GLT8D2: variants seen among roughly 807,000 people sequenced by gnomAD.
GLT8D2 encodes the protein glycosyltransferase 8 domain-containing protein 2.
A neutral mutation model predicts 44.5 loss-of-function variants in GLT8D2; 45 were observed. The ratio of observed to expected loss-of-function variants is 1.01; its 90% CI spans 0.80 to 1.30. The LOEUF is 1.30. Ranked by LOEUF, GLT8D2 falls within the 50% of genes most tolerant of loss-of-function variation. The pLI is 0.00. For synonymous variants in GLT8D2, 156 were observed against 157.2 expected, an observed-to-expected ratio of 0.99 and a Z score of 0.06; for missense variants, 400 against 430.4, an observed-to-expected ratio of 0.93 and a Z score of 0.62.
rs372163304 is a variant in GLT8D2, at chr12:104,034,626, A to T, written c.-163-13135T>A. ...ATTGCTGAGGTTTGAGTGGGTAAAC[A>T]AAGTGGGTGGGGAAGCTTGAACTGG... On this transcript the variant is annotated intron_variant, in intron 1 of 10. Transcript: ENST00000360814. Among the ~76,000 whole-genome samples, 48 of 152,378 alleles carry T rather than the reference A, an allele frequency of 3.2e-4. 1 individual carries two copies. Among genetic ancestry groups the T allele is most frequent in the Admixed American group, 1.4e-3 (22 of 15,310 alleles).
At chr12:104,024,366 G>A (rs1044163737) in intron 1 of GLT8D2, among the ~76,000 whole-genome samples, 9 of 152,132 alleles carry the variant, frequency 5.9e-5, no homozygotes, top group African/African-American at 1.7e-4. Context: ...CCTGGAGGTC[G>A]AGGCTGCAGT....
chr12:103,996,725 A>T lies in GLT8D2; in HGVS notation c.600+10T>A. On this transcript the variant is annotated intron_variant, in intron 8 of 10. Coordinates refer to ENST00000360814, the MANE Select transcript of GLT8D2 (RefSeq NM_001384711.1). The stretch of plus-strand genomic sequence containing the variant: ...GTGAAGGGAGGATTTCTGAGACAGC[A>T]TATGCCCACCTGAAGTCCCACGAGT... 1 of 1,588,464 alleles carries T rather than the reference A, an allele frequency of 6.3e-7. No homozygotes were observed. Among genetic ancestry groups the T allele is most frequent in the Non-Finnish European group, 8.6e-7 (1 of 1,158,542 alleles).
intron 4 of GLT8D2, among the ~76,000 whole-genome samples, chr12:104,004,745 T>C (rs1469311215): frequency 2.0e-5 from 3 of 152,102 alleles, no homozygotes; most frequent in East Asian, 1.9e-4. Context: ...CACAAACAAA[T>C]GGAAGAACAT....
At position 104,028,762 on chromosome 12, in the gene GLT8D2, C is replaced by A. The variant is rs148111594; in HGVS notation, c.-163-7271G>T. 8.9e-4 allele frequency among the ~76,000 whole-genome samples: 135 copies of A among 152,150 alleles called. 1 individual carries two copies. The highest frequency in any genetic ancestry group is 3.1e-3 in the African/African-American group (129 of 41,490). On this transcript the variant is annotated intron_variant, in intron 1 of 10. Coordinates refer to ENST00000360814, the MANE Select transcript of GLT8D2 (RefSeq NM_001384711.1). Reference sequence around the variant, plus strand: ...TTCTCAAAGTAATCACACTTAAGATCAACAAAATGAAACAAATTGAAATCC... The same window carrying A: ...TTCTCAAAGTAATCACACTTAAGATAAACAAAATGAAACAAATTGAAATCC...
chr12:104,018,687 A>G (rs950141503), intron 3 of GLT8D2, among the ~76,000 whole-genome samples: 3 of 152,210 alleles, frequency 2.0e-5, no homozygotes, highest in Admixed American at 6.5e-5. Flanking sequence ...TAGCCTGGCT[A>G]ACATGGTGAA....
At position 103,994,489 on chromosome 12, in the gene GLT8D2, C is replaced by G. The variant is rs1873164958; in HGVS notation, c.613G>C (p.Gly205Arg). ...RLVGLQNTYMGYLDYRKKAIK... is the reference protein window; with the variant it reads ...RLVGLQNTYMRYLDYRKKAIK... ...GCCTTCTTCCGGTAGTCCAGATAGC[C>G]CATATATGTGTTCTGTAAGGGAACA... Residue 205 changes from glycine (G) to arginine (R), a missense_variant, in exon 9 of 11, where the codon GGC becomes CGC. Physicochemically the swap from Gly to Arg is moderately radical, Grantham distance 125. Transcript: ENST00000360814. The G allele has an allele frequency of 6.2e-7, 1 of 1,611,930 alleles. No homozygotes were observed. Among genetic ancestry groups the G allele is most frequent in the Non-Finnish European group, 8.5e-7 (1 of 1,179,228 alleles).
At chr12:103,996,982 A>G in intron 7 of GLT8D2, 135 bp from the exon 8 acceptor site, 1 of 605,372 alleles carries the variant, frequency 1.7e-6, no homozygotes, top group Non-Finnish European at 2.9e-6. Context: ...TGGCTTGACT[A>G]TTTATTTATT....
chr12:104,014,280 T>G, intron 4 of GLT8D2: 1 of 700,550 alleles, frequency 1.4e-6, no homozygotes, highest in Non-Finnish European at 2.6e-6. Context: ...GCTTGAGCCC[T>G]GGAGGTCGAG....
chr12:104,032,466 CAAAAAAAAA>C (rs547392677), intron 1 of GLT8D2, among the ~76,000 whole-genome samples: 14 of 59,664 alleles, frequency 2.3e-4, no homozygotes, highest in South Asian at 2.1e-3. Flanking sequence ...TGTGCAATAG[CAAAAAAAAA>C]AAAAAAAAAA....
chr12:104,061,210 T>C (rs1409620136), intron 1 of GLT8D2, among the ~76,000 whole-genome samples: 2 of 152,240 alleles, frequency 1.3e-5, no homozygotes, highest in Non-Finnish European at 2.9e-5. Flanking sequence ...CATTTCCTCA[T>C]CACCCTGCAG....
chr12:104,011,064 G>T (rs759853584), intron 4 of GLT8D2, among the ~76,000 whole-genome samples: 1 of 152,170 alleles, frequency 6.6e-6, no homozygotes, highest in Non-Finnish European at 1.5e-5. Context: ...GCCTCTGCCA[G>T]GTAGAGAAAC....
intron 1 of GLT8D2, among the ~76,000 whole-genome samples, chr12:104,056,559 A>G (rs1275109177): frequency 6.6e-6 from 1 of 152,262 alleles, no homozygotes; most frequent in East Asian, 1.9e-4. Context: ...CTACTTATTA[A>G]ATGCTAACTA....
At chr12:104,062,651 T>C (rs1388033186) in intron 1 of GLT8D2, among the ~76,000 whole-genome samples, 1 of 152,118 alleles carries the variant, frequency 6.6e-6, no homozygotes, top group African/African-American at 2.4e-5. Context: ...CTCTCTTTAA[T>C]AAAAATAGAG....
rs1873139955 is a variant in GLT8D2 at position 103,994,340 on chromosome 12, A to G, written c.762T>C (p.Asn254=). 1.2e-6 allele frequency: 2 copies of G among 1,608,980 alleles called. No homozygotes were observed. Among genetic ancestry groups the G allele is most frequent in the Admixed American group, 1.7e-5 (1 of 59,314 alleles). The change falls in exon 9 of 11, where the codon AAT becomes AAC. Residue 254 remains asparagine, a synonymous_variant. Transcript: ENST00000360814. ...TKQLEKWMQK[N]VEENLYSSSL... ...GTAGAGAAGCCTTCACGTACTCCAC[A>G]TTCTTTTGCATCCATTTCTCCAATT... is the stretch of plus-strand genomic sequence containing the variant.
At chr12:104,022,034 AG>A (rs1593551027) in intron 1 of GLT8D2, among the ~76,000 whole-genome samples, 1 of 134,794 alleles carries the variant, frequency 7.4e-6, no homozygotes, top group East Asian at 2.3e-4. Context: ...AAGAAGAAGA[AG>A]AAGAAGAAGA....
chr12:104,062,519 G>T (rs2136569328), intron 1 of GLT8D2, among the ~76,000 whole-genome samples: 1 of 152,300 alleles, frequency 6.6e-6, no homozygotes, highest in East Asian at 1.9e-4. Context: ...GAGGAAAAAA[G>T]AGTTTTAGGA....
rs146097855 is a variant in GLT8D2, at chr12:104,056,785, G to A, written c.-422-6497C>T. Among the ~76,000 whole-genome samples the A allele has an allele frequency of 1.9e-3, 294 of 152,326 alleles. 2 individuals carry two copies. The highest frequency in any genetic ancestry group is 6.2e-3 in the African/African-American group (257 of 41,578). ...ATTACTATGTAAATAACAGATGCAC[G>A]CCATGGTCAGTGACCACAGCACATC... On this transcript the variant is annotated intron_variant, in intron 1 of 10. Coordinates refer to the GLT8D2 transcript ENST00000548660.
At chr12:104,046,432 C>T (rs1003267037) in intron 1 of GLT8D2, among the ~76,000 whole-genome samples, 1 of 152,160 alleles carries the variant, frequency 6.6e-6, no homozygotes, top group African/African-American at 2.4e-5. Flanking sequence ...GGTCACACAA[C>T]TAATAAGTGG....
intron 1 of GLT8D2, among the ~76,000 whole-genome samples, chr12:104,041,084 T>C (rs1659107363): frequency 6.6e-6 from 1 of 151,800 alleles, no homozygotes; most frequent in Non-Finnish European, 1.5e-5. Flanking sequence ...CTGGCCAACA[T>C]GGTGAAACCC....
Sources: allele counts gnomAD v4.1 joint callset (sites outside exome capture counted in the v4.1 genomes callset), GRCh38; gene constraint gnomAD v4.1.1; transcripts MANE v1.5; gene names NCBI Gene and HGNC (gene_info 2026-07-23, HGNC 2026-07-21).